Variants in ZBTB7C observed in about 807,000 individuals in gnomAD.
The protein encoded by ZBTB7C is zinc finger and BTB domain-containing protein 7C.
In ZBTB7C, 8 loss-of-function variants were observed where a neutral mutation model predicts 25.7. The ratio of observed to expected loss-of-function variants is 0.31; its 90% CI spans 0.18 to 0.56. ZBTB7C has a LOEUF of 0.56. Among genes scored for constraint, ZBTB7C ranks in the 20% least tolerant of loss-of-function variants. ZBTB7C has a pLI of 0.91. For synonymous variants in ZBTB7C, 394 were observed against 369.0 expected (o/e 1.07, Z -0.78); for missense variants, 824 against 855.2 (o/e 0.96, Z 0.46).
chr18:48,141,478 T>C (rs2040347518), intron 3 of ZBTB7C, among the ~76,000 whole-genome samples: 1 of 152,180 alleles, frequency 6.6e-6, no homozygotes, highest in Non-Finnish European at 1.5e-5. Flanking sequence ...AGGTGTTTAT[T>C]GAGAGAATCC....
At chr18:48,369,575 A>T (rs899193008) in intron 1 of ZBTB7C, among the ~76,000 whole-genome samples, 1 of 152,214 alleles carries the variant, frequency 6.6e-6, no homozygotes, top group Non-Finnish European at 1.5e-5. Flanking sequence ...TCATGCAAAC[A>T]TTAAAAGAAA....
chr18:48,132,925 A>G (rs901629549), intron 3 of ZBTB7C, among the ~76,000 whole-genome samples: 1 of 152,200 alleles, frequency 6.6e-6, no homozygotes, highest in African/African-American at 2.4e-5. Flanking sequence ...CAGTTATATG[A>G]TATCATTTGG....
At chr18:48,265,184 G>A (rs1330602603) in intron 2 of ZBTB7C, among the ~76,000 whole-genome samples, 1 of 152,164 alleles carries the variant, frequency 6.6e-6, no homozygotes, top group Non-Finnish European at 1.5e-5. Context: ...CTCTACTCTT[G>A]ATGTCTCCAC....
At chr18:48,223,820 T>G (rs2043019128) in intron 2 of ZBTB7C, among the ~76,000 whole-genome samples, 1 of 152,228 alleles carries the variant, frequency 6.6e-6, no homozygotes, top group Admixed American at 6.5e-5. Context: ...GTCTGCTGTT[T>G]CCTTACCTAA....
chr18:48,353,762 G>A (rs964175840), intron 1 of ZBTB7C, among the ~76,000 whole-genome samples: 2 of 152,168 alleles, frequency 1.3e-5, no homozygotes, highest in African/African-American at 2.4e-5. Flanking sequence ...CACTCCACAC[G>A]TTTCTCATGA....
At chr18:48,236,995 G>A (rs1166488003) in intron 2 of ZBTB7C, among the ~76,000 whole-genome samples, 1 of 152,240 alleles carries the variant, frequency 6.6e-6, no homozygotes, top group Non-Finnish European at 1.5e-5. Flanking sequence ...GAAAGGGCAA[G>A]GGTGGTGTTA....
At chr18:48,042,973 A>G (rs1457943279) in intron 3 of ZBTB7C, among the ~76,000 whole-genome samples, 1 of 152,248 alleles carries the variant, frequency 6.6e-6, no homozygotes, top group Non-Finnish European at 1.5e-5. Flanking sequence ...AAGCCATCTA[A>G]TCTGAAAAGA....
intron 3 of ZBTB7C, among the ~76,000 whole-genome samples, chr18:48,084,563 G>A (rs906934413): frequency 3.9e-5 from 6 of 152,114 alleles, no homozygotes; most frequent in African/African-American, 1.4e-4. Context: ...GTATGCCTGT[G>A]AGCCACGGAG....
chr18:48,122,019 C>T (rs1023405846), intron 3 of ZBTB7C, among the ~76,000 whole-genome samples: 2 of 152,212 alleles, frequency 1.3e-5, no homozygotes, highest in Admixed American at 1.3e-4. Flanking sequence ...TACAGCATAA[C>T]AGAAGGTTTC....
chr18:48,167,298 A>C (rs2041284107), intron 3 of ZBTB7C, among the ~76,000 whole-genome samples: 1 of 150,864 alleles, frequency 6.6e-6, no homozygotes, highest in Non-Finnish European at 1.5e-5. Flanking sequence ...TGCCCTTTTC[A>C]CCCTTTGGCG....
At chr18:48,347,159 C>A (rs2046755966) in intron 1 of ZBTB7C, among the ~76,000 whole-genome samples, 1 of 116,774 alleles carries the variant, frequency 8.6e-6, no homozygotes. Context: ...GAGACGGAGT[C>A]TCGCTCTGTT....
At chr18:48,032,318 T>C (rs1343583436) in intron 4 of ZBTB7C, among the ~76,000 whole-genome samples, 2 of 151,370 alleles carry the variant, frequency 1.3e-5, no homozygotes, top group Non-Finnish European at 2.9e-5. Context: ...GCCTTCACCA[T>C]GTTGGTCAGG....
At chr18:48,148,576 T>C (rs910315447) in intron 3 of ZBTB7C, 1 of 152,074 alleles carries the variant, frequency 6.6e-6, no homozygotes, top group African/African-American at 2.4e-5. Flanking sequence ...GCATTACAGA[T>C]GAGTAAAGAA....
chr18:48,037,307 A>G (rs912959513), intron 4 of ZBTB7C, among the ~76,000 whole-genome samples: 2 of 152,182 alleles, frequency 1.3e-5, no homozygotes, highest in African/African-American at 4.8e-5. Flanking sequence ...TGGCTGGATG[A>G]CCAGAGCTGC....
intron 3 of ZBTB7C, among the ~76,000 whole-genome samples, chr18:48,130,503 C>T (rs2039954531): frequency 6.6e-6 from 1 of 152,078 alleles, no homozygotes; most frequent in Admixed American, 6.5e-5. Flanking sequence ...ACTGTCTTAC[C>T]AAGTAACGGC....
chr18:48,327,508 A>G (rs2046247319), intron 2 of ZBTB7C, among the ~76,000 whole-genome samples: 1 of 152,196 alleles, frequency 6.6e-6, no homozygotes, highest in Admixed American at 6.5e-5. Flanking sequence ...CCATGAGCAC[A>G]CTTGATCCAC....
At chr18:48,345,001 A>G (rs913647673) in intron 1 of ZBTB7C, among the ~76,000 whole-genome samples, 2 of 152,210 alleles carry the variant, frequency 1.3e-5, no homozygotes. Flanking sequence ...CTGTATTTTA[A>G]GCACAAACTG....
intron 1 of ZBTB7C, among the ~76,000 whole-genome samples, chr18:48,363,565 T>C (rs1263915405): frequency 6.6e-6 from 1 of 152,122 alleles, no homozygotes; most frequent in Non-Finnish European, 1.5e-5. Context: ...AAATATGAGA[T>C]GAATTTTGAA....
intron 3 of ZBTB7C, among the ~76,000 whole-genome samples, chr18:48,178,620 C>T (rs957281002): frequency 4.6e-5 from 7 of 152,302 alleles, no homozygotes; most frequent in African/African-American, 1.7e-4. Context: ...CTGAGAGACA[C>T]TTGGGGCTCT....
Sources: gnomAD v4.1 joint callset for allele counts (sites outside exome capture counted in the v4.1 genomes callset) on GRCh38, gnomAD v4.1.1 for gene constraint, MANE v1.5 for transcripts, NCBI Gene and HGNC (gene_info 2026-07-23, HGNC 2026-07-21) for gene names.